The following CCDC191 variants were observed in gnomAD, a reference collection of about 807,000 sequenced individuals.
CCDC191 encodes the protein coiled-coil domain-containing protein 191.
In CCDC191, 99 loss-of-function variants were observed where a neutral mutation model predicts 114.0. The observed-to-expected ratio is 0.87, with a 90% CI of 0.74 to 1.03. CCDC191 has a LOEUF of 1.03. Among genes scored for constraint, CCDC191 ranks in the 50% least tolerant of loss-of-function variants. The pLI is 0.00. For synonymous variants in CCDC191, 351 were observed against 376.0 expected (o/e 0.93, Z 0.77); for missense variants, 973 against 1,087.0 (o/e 0.90, Z 1.47).
At chr3:114,037,029 C>T (rs1413395209) in intron 4 of CCDC191, 1 of 224,808 alleles carries the variant, frequency 4.4e-6, no homozygotes, top group African/African-American at 2.3e-5. Flanking sequence ...CCTTCACTGC[C>T]AAATCTAAAA....
rs780708681 is a variant in CCDC191 at position 114,005,870 on chromosome 3, G to C, written c.1506C>G (p.Asn502Lys). 6.2e-7 allele frequency: 1 copy of C among 1,614,076 alleles called. No individual in the cohort carries two copies. The highest frequency in any genetic ancestry group is 8.5e-7 in the Non-Finnish European group (1 of 1,179,976). ...AGACATTCTGAAGGGAACCCTGCAA[G>C]TTGCCTGTTGTTGTTCTTCCCAGGG... Reference protein sequence around the residue: ...SPPLGRTTTGNLQGSLQNVSL... With the variant: ...SPPLGRTTTGKLQGSLQNVSL... Residue 502 changes from asparagine (N) to lysine (K), a missense_variant, in exon 10 of 17, where the codon AAC becomes AAG. By Grantham distance (94) the Asn-to-Lys change is moderately conservative. Transcript: ENST00000295878.
chr3:114,000,334 T>C (rs1174978765), intron 13 of CCDC191, among the ~76,000 whole-genome samples: 2 of 152,174 alleles, frequency 1.3e-5, no homozygotes, highest in African/African-American at 4.8e-5. Flanking sequence ...ATATTGGTCT[T>C]CTCTTGCTCT....
At chr3:114,045,476 A>G (rs1353649173) in intron 3 of CCDC191, among the ~76,000 whole-genome samples, 1 of 152,096 alleles carries the variant, frequency 6.6e-6, no homozygotes, top group Non-Finnish European at 1.5e-5. Flanking sequence ...AATTCAAGTG[A>G]TTCTCCTGCT....
At position 114,046,570 on chromosome 3, in the gene CCDC191, G is replaced by A. The variant is rs1241835908; in HGVS notation, c.271+21C>T. On this transcript the variant is annotated intron_variant, in intron 3 of 16. Coordinates refer to ENST00000295878, the MANE Select transcript of CCDC191 (RefSeq NM_020817.2). ...TGCTTTAAGAATTGTTAACATCGCAGCAGAAAATGCATTCTCTTACCTTCT... is the reference window on the plus strand; with the variant it reads ...TGCTTTAAGAATTGTTAACATCGCAACAGAAAATGCATTCTCTTACCTTCT... 15 of 1,366,294 alleles carry A rather than the reference G, an allele frequency of 1.1e-5. No individual in the cohort carries two copies. The South Asian group carries it at 1.8e-4, about 16-fold the overall frequency. The allele number at this position is 1,366,294 out of a possible 1,614,324, so 84.6% of individuals were successfully genotyped here. A position where few individuals can be genotyped will look rare whatever the true frequency, so the allele number is the denominator to read the frequency against.
chr3:114,032,606 T>A (rs970104909), intron 6 of CCDC191, among the ~76,000 whole-genome samples: 1 of 152,194 alleles, frequency 6.6e-6, no homozygotes, highest in African/African-American at 2.4e-5. Context: ...GAACTTTTAG[T>A]TCACAGTTGT....
At chr3:113,983,866 G>T (rs973945725) in intron 13 of CCDC191, among the ~76,000 whole-genome samples, 1 of 152,202 alleles carries the variant, frequency 6.6e-6, no homozygotes, top group African/African-American at 2.4e-5. Flanking sequence ...GTTATTGCCT[G>T]TTAAGTATAA....
At chr3:114,003,036 G>A (rs1279342794) in intron 11 of CCDC191, 10 of 985,182 alleles carry the variant, frequency 1.0e-5, no homozygotes, top group Admixed American at 1.2e-4. Flanking sequence ...TTGGGGTCAC[G>A]ATGAATATAT....
At chr3:113,986,171 C>A (rs1189640581) in intron 13 of CCDC191, among the ~76,000 whole-genome samples, 4 of 152,056 alleles carry the variant, frequency 2.6e-5, no homozygotes, top group South Asian at 2.1e-4. Flanking sequence ...AATAAAAAAA[C>A]ACATGGTAAT....
rs543500296 is a variant in CCDC191 at position 114,049,295 on chromosome 3, C to T, written c.130-2563G>A. Among the ~76,000 whole-genome samples the T allele has an allele frequency of 8.5e-5, 13 of 152,260 alleles. No individual in the cohort carries two copies. In the South Asian group the frequency reaches 2.5e-3, roughly 29 times the overall value. On this transcript the variant is annotated intron_variant, in intron 2 of 16. Coordinates refer to ENST00000295878, the MANE Select transcript of CCDC191 (RefSeq NM_020817.2). ...CATGCAAGTTTATGTTGGTAGCATA[C>T]GTCATGTATTAGATTCATGGTTGGC...
intron 9 of CCDC191, among the ~76,000 whole-genome samples, chr3:114,007,868 T>C (rs1295666139): frequency 2.6e-5 from 4 of 151,918 alleles, no homozygotes; most frequent in Admixed American, 2.6e-4. Flanking sequence ...TGTTTTGCTG[T>C]ACACGCTGGA....
chr3:113,976,557 T>C (rs1428272144), intron 16 of CCDC191, among the ~76,000 whole-genome samples: 9 of 151,794 alleles, frequency 5.9e-5, no homozygotes, highest in Non-Finnish European at 1.0e-4. Flanking sequence ...TCTCAGCCTG[T>C]ATATAGTGGC....
At chr3:113,965,506 T>C in intron 16 of CCDC191, 147 bp from the exon 17 acceptor site, 1 of 423,476 alleles carries the variant, frequency 2.4e-6, no homozygotes, top group Non-Finnish European at 4.1e-6. Context: ...ATTATGACAG[T>C]GTGAAATGCT....
chr3:114,036,698 A>G lies in CCDC191; in HGVS notation c.504T>C (p.Ser168=). The change falls in exon 5 of 17, where the codon TCT becomes TCC. Residue 168 remains serine, a synonymous_variant. Transcript: ENST00000295878. ...DHLLHKNVVD[S]AMMEDLGRKE... ...TCCTTCCAAGATCTTCCATCATTGC[A>G]GAATCTACCACATTTTTATGGAGCA... The G allele has an allele frequency of 1.2e-6, 2 of 1,601,908 alleles. No homozygotes were observed. The highest frequency in any genetic ancestry group is 1.7e-6 in the Non-Finnish European group (2 of 1,173,166).
intron 13 of CCDC191, among the ~76,000 whole-genome samples, chr3:113,986,884 C>T (rs1183422891): frequency 6.6e-6 from 1 of 152,100 alleles, no homozygotes; most frequent in Non-Finnish European, 1.5e-5. Flanking sequence ...AAGCTGTCTG[C>T]AAGCCAAGAA....
At chr3:113,967,668 T>C (rs571022564) in intron 16 of CCDC191, among the ~76,000 whole-genome samples, 1 of 152,156 alleles carries the variant, frequency 6.6e-6, no homozygotes, top group South Asian at 2.1e-4. Flanking sequence ...TCTGGTTATT[T>C]TGAAATGCAC....
intron 8 of CCDC191, among the ~76,000 whole-genome samples, chr3:114,012,225 G>T (rs2076082292): frequency 6.7e-6 from 1 of 150,354 alleles, no homozygotes. Context: ...CAATATACGT[G>T]TGTGTGTGTG....
chr3:114,001,453 CTAAG>C, intron 13 of CCDC191, 138 bp downstream of exon 13: 1 of 1,241,088 alleles, frequency 8.1e-7, no homozygotes, highest in South Asian at 1.8e-5. Flanking sequence ...TAGCTTTTCA[CTAAG>C]TAAGATAGAG....
At chr3:114,027,615 A>AG (rs967040115) in intron 7 of CCDC191, among the ~76,000 whole-genome samples, 3 of 149,050 alleles carry the variant, frequency 2.0e-5, no homozygotes, top group African/African-American at 4.9e-5. Context: ...AAAAAAAAAA[A>AG]AAAAAAAGAA....
At chr3:113,986,022 CAGAG>C (rs1363586767) in intron 13 of CCDC191, among the ~76,000 whole-genome samples, 1 of 152,134 alleles carries the variant, frequency 6.6e-6, no homozygotes, top group East Asian at 1.9e-4. Flanking sequence ...TTGGAACTAT[CAGAG>C]AGGGAATTTT....
Sources: allele counts gnomAD v4.1 joint callset (sites outside exome capture counted in the v4.1 genomes callset), GRCh38; gene constraint gnomAD v4.1.1; transcripts MANE v1.5; gene names NCBI Gene and HGNC (gene_info 2026-07-23, HGNC 2026-07-21).